The following RAPGEF4 variants were observed in gnomAD, a reference collection of about 807,000 sequenced individuals.
The protein encoded by RAPGEF4 is RAP guanine-nucleotide-exchange factor (GEF) 4.
RAPGEF4 carries 66 observed loss-of-function variants against 147.9 expected under a neutral mutation model. That is an observed-to-expected ratio of 0.45 (90% CI 0.37 to 0.55). The LOEUF (loss-of-function observed/expected upper bound fraction) is 0.55. Ranked by LOEUF, RAPGEF4 falls within the 20% of genes least tolerant of loss-of-function variation. RAPGEF4 has a pLI of 0.00. For missense variants in RAPGEF4, 1,071 were observed against 1,257.3 expected (o/e 0.85, Z 2.24); for synonymous variants, 419 against 442.7 (o/e 0.95, Z 0.67).
At chr2:172,983,689 C>T in intron 11 of RAPGEF4, 109 bp downstream of exon 11, 4 of 1,480,478 alleles carry the variant, frequency 2.7e-6, no homozygotes, top group South Asian at 2.8e-5. Flanking sequence ...CTGATTTTCA[C>T]CTCATAAATC....
At chr2:172,859,237 C>G (rs1249463327) in intron 4 of RAPGEF4, among the ~76,000 whole-genome samples, 1 of 152,136 alleles carries the variant, frequency 6.6e-6, no homozygotes, top group African/African-American at 2.4e-5. Context: ...TTAAGTCTTG[C>G]TGAATAAAAT....
chr2:172,918,951 A>G (rs1480470377), intron 5 of RAPGEF4, among the ~76,000 whole-genome samples: 1 of 152,084 alleles, frequency 6.6e-6, no homozygotes, highest in Non-Finnish European at 1.5e-5. Flanking sequence ...TCCTGAGTGA[A>G]CATCCTCATT....
intron 10 of RAPGEF4, among the ~76,000 whole-genome samples, chr2:172,969,235 C>T (rs1285653130): frequency 6.6e-6 from 1 of 152,208 alleles, no homozygotes; most frequent in Non-Finnish European, 1.5e-5. Context: ...TATTGAGTAC[C>T]TACATTGTTC....
chr2:172,797,470 T>C, intron 2 of RAPGEF4, 55 bp from the exon 3 acceptor site: 4 of 1,435,494 alleles, frequency 2.8e-6, no homozygotes, highest in Non-Finnish European at 2.9e-6. Flanking sequence ...TGGCAGATCA[T>C]ATAGTAAAAC....
rs397767155 is a variant in RAPGEF4, at chr2:173,001,255, T to TC, written c.1580-7dup. 2 of 1,613,482 alleles carry TC rather than the reference T, an allele frequency of 1.2e-6. No homozygotes were observed. Among genetic ancestry groups the TC allele is most frequent in the Admixed American group, 1.7e-5 (1 of 59,960 alleles). ...AACCTAATTTCCTTTTCTGTTTTTT[T>TC]CCCCTTCCAGATTCTGTTTTAAATG... On this transcript the variant is annotated splice_polypyrimidine_tract_variant and intron_variant, in intron 16 of 30. Coordinates refer to ENST00000397081, the MANE Select transcript of RAPGEF4 (RefSeq NM_007023.4).
rs556459791 is a variant in RAPGEF4 at position 172,879,312 on chromosome 2, A to G, written c.445-38490A>G. Reference sequence around the variant, plus strand: ...TGCCCAAGCAGGAAGCTGCAGGGACAATACATATGATTATGATTCCATTCA... The same window carrying G: ...TGCCCAAGCAGGAAGCTGCAGGGACGATACATATGATTATGATTCCATTCA... On this transcript the variant is annotated intron_variant, in intron 4 of 30. Transcript: ENST00000397081. Among the ~76,000 whole-genome samples, 315 of 152,334 alleles carry G rather than the reference A, an allele frequency of 2.1e-3. 1 individual carries two copies. Among genetic ancestry groups the G allele is most frequent in the Admixed American group, 5.2e-3 (80 of 15,290 alleles).
chr2:173,046,076 A>G (rs1269178317), intron 29 of RAPGEF4, among the ~76,000 whole-genome samples: 1 of 152,240 alleles, frequency 6.6e-6, no homozygotes, highest in Non-Finnish European at 1.5e-5. Context: ...GGTTCACACC[A>G]TTAAACATTA....
intron 6 of RAPGEF4, among the ~76,000 whole-genome samples, chr2:172,955,776 T>C (rs190658679): frequency 2.0e-5 from 3 of 152,274 alleles, no homozygotes; most frequent in Admixed American, 2.0e-4. Flanking sequence ...AGCCTAGCGC[T>C]CAGCAGGAAG....
intron 4 of RAPGEF4, among the ~76,000 whole-genome samples, chr2:172,891,236 A>G (rs894661656): frequency 3.9e-5 from 6 of 152,334 alleles, no homozygotes; most frequent in African/African-American, 1.4e-4. Flanking sequence ...TCTCACACCC[A>G]TGAAGACAGC....
At chr2:172,971,659 G>A (rs535023761) in intron 10 of RAPGEF4, among the ~76,000 whole-genome samples, 2 of 152,176 alleles carry the variant, frequency 1.3e-5, no homozygotes, top group East Asian at 3.9e-4. Flanking sequence ...TCTTTCTGCT[G>A]GAATAAGAGC....
intron 4 of RAPGEF4, among the ~76,000 whole-genome samples, chr2:172,826,059 A>G (rs1689635811): frequency 6.6e-6 from 1 of 152,160 alleles, no homozygotes; most frequent in Non-Finnish European, 1.5e-5. Flanking sequence ...TTGCACCATG[A>G]TCTATGGTCA....
At chr2:173,048,709 T>G in intron 30 of RAPGEF4, 55 bp downstream of exon 30, 1 of 1,612,862 alleles carries the variant, frequency 6.2e-7, no homozygotes, top group Non-Finnish European at 8.5e-7. Context: ...TAAGGTCTTC[T>G]TAATGAGGCC....
At chr2:172,927,897 G>A (rs2042561) in intron 6 of RAPGEF4, among the ~76,000 whole-genome samples, 74,305 of 152,004 alleles carry the variant, frequency 0.49, 19,106 homozygotes, top group East Asian at 0.68. Flanking sequence ...TGAAACTCAC[G>A]TGTAACTGGC....
chr2:172,934,942 C>G (rs1686394707), intron 6 of RAPGEF4, among the ~76,000 whole-genome samples: 1 of 152,068 alleles, frequency 6.6e-6, no homozygotes, highest in Non-Finnish European at 1.5e-5. Flanking sequence ...TTTGGGAGGC[C>G]AAGGTGGGAG....
rs1418379228 is a variant in RAPGEF4, at chr2:172,926,399, T to C, written c.537+4099T>C. 2.6e-5 allele frequency among the ~76,000 whole-genome samples: 4 copies of C among 152,198 alleles called. 1 individual carries two copies. The highest frequency in any genetic ancestry group is 2.0e-4 in the Admixed American group (3 of 15,284). On this transcript the variant is annotated intron_variant, in intron 6 of 30. Transcript: ENST00000397081. The stretch of plus-strand genomic sequence containing the variant: ...TCCATACTTCTGAAAGGGCAACTGC[T>C]ATGGGGTTTCCTAGTTTTAGAAGGT...
chr2:172,757,968 A>T (rs1052811398), intron 1 of RAPGEF4, among the ~76,000 whole-genome samples: 6 of 152,224 alleles, frequency 3.9e-5, no homozygotes, highest in Non-Finnish European at 7.3e-5. Context: ...AACCATAAAC[A>T]TAATAAATAA....
chr2:172,879,316 C>T (rs1051770954), intron 4 of RAPGEF4, among the ~76,000 whole-genome samples: 7 of 152,122 alleles, frequency 4.6e-5, no homozygotes, highest in African/African-American at 1.7e-4. Context: ...AGGGACAATA[C>T]ATATGATTAT....
At chr2:172,946,566 A>G (rs765695952) in intron 6 of RAPGEF4, among the ~76,000 whole-genome samples, 5 of 151,798 alleles carry the variant, frequency 3.3e-5, no homozygotes, top group Admixed American at 6.6e-5. Flanking sequence ...AATGCCTTAA[A>G]CTCCCGTCTG....
chr2:172,899,006 G>A (rs999920886), intron 4 of RAPGEF4, among the ~76,000 whole-genome samples: 1 of 152,108 alleles, frequency 6.6e-6, no homozygotes, highest in South Asian at 2.1e-4. Flanking sequence ...TTGCTTAAAA[G>A]CTATGTATAT....
Sources: allele counts gnomAD v4.1 joint callset (sites outside exome capture counted in the v4.1 genomes callset), GRCh38; gene constraint gnomAD v4.1.1; transcripts MANE v1.5; gene names NCBI Gene and HGNC (gene_info 2026-07-23, HGNC 2026-07-21).